The following PRKG1 variants were observed in gnomAD, a reference collection of about 807,000 sequenced individuals.
PRKG1 encodes the protein cGMP-dependent protein kinase 1.
A neutral mutation model predicts 88.1 loss-of-function variants in PRKG1; 35 were observed. The ratio of observed to expected loss-of-function variants is 0.40; its 90% CI spans 0.30 to 0.53. The LOEUF (loss-of-function observed/expected upper bound fraction) is 0.53, where lower values mean the gene tolerates loss of function less well. PRKG1 is among the 20% of genes least tolerant of loss of function. The pLI is 0.59. For synonymous variants in PRKG1, 303 were observed against 292.5 expected (o/e 1.04, Z -0.37); for missense variants, 540 against 839.8 (o/e 0.64, Z 4.41).
chr10:52,161,662 T>C (rs764379639), intron 8 of PRKG1, among the ~76,000 whole-genome samples: 2 of 152,124 alleles, frequency 1.3e-5, no homozygotes, highest in African/African-American at 4.8e-5. Flanking sequence ...TTTGTTTATG[T>C]GTTGGCAACT....
intron 7 of PRKG1, among the ~76,000 whole-genome samples, chr10:52,097,230 C>G (rs1847193188): frequency 6.8e-6 from 1 of 146,454 alleles, no homozygotes; most frequent in Admixed American, 6.8e-5. Context: ...TAGTTAATAA[C>G]TCATTTTTGA....
chr10:52,043,900 G>A (rs1327873969), intron 5 of PRKG1, among the ~76,000 whole-genome samples: 1 of 128,258 alleles, frequency 7.8e-6, no homozygotes, highest in Non-Finnish European at 1.6e-5. Context: ...TGTCATTGAA[G>A]AGCCCAGTTA....
chr10:51,601,595 G>GA, intron 3 of PRKG1, among the ~76,000 whole-genome samples: 1 of 151,826 alleles, frequency 6.6e-6, no homozygotes, highest in Non-Finnish European at 1.5e-5. Flanking sequence ...TTTCTCATTT[G>GA]AAAAAAGCCA....
intron 2 of PRKG1, among the ~76,000 whole-genome samples, chr10:51,311,242 C>T (rs977054601): frequency 2.6e-5 from 4 of 152,058 alleles, no homozygotes; most frequent in Non-Finnish European, 4.4e-5. Context: ...TTACATACTG[C>T]CTTGGTTTGT....
chr10:51,566,844 A>G (rs1250626467), intron 3 of PRKG1, among the ~76,000 whole-genome samples: 2 of 151,952 alleles, frequency 1.3e-5, no homozygotes, highest in Admixed American at 6.6e-5. Context: ...TCCCACTTCA[A>G]TATGATAAGG....
chr10:51,282,527 G>A (rs909015667), intron 2 of PRKG1, among the ~76,000 whole-genome samples: 1 of 152,178 alleles, frequency 6.6e-6, no homozygotes, highest in African/African-American at 2.4e-5. Flanking sequence ...ACGAAGGAAA[G>A]CAAACAACTG....
intron 4 of PRKG1, among the ~76,000 whole-genome samples, chr10:51,870,685 G>A (rs191560052): frequency 1.5e-3 from 231 of 152,148 alleles, no homozygotes; most frequent in African/African-American, 5.3e-3. Context: ...AATCGCATAG[G>A]TCAGATGAAA....
intron 2 of PRKG1, chr10:51,320,650 G>A (rs192603605): frequency 0.031 from 4,762 of 152,370 alleles, 121 homozygotes; most frequent in South Asian, 0.075. Flanking sequence ...CTGACAGACA[G>A]TAACAAATAA....
intron 1 of PRKG1, among the ~76,000 whole-genome samples, chr10:51,146,461 T>A (rs1429773087): frequency 1.3e-5 from 2 of 151,916 alleles, no homozygotes; most frequent in African/African-American, 2.4e-5. Context: ...AAGTTCCTTG[T>A]ATTTTCTGAA....
intron 2 of PRKG1, among the ~76,000 whole-genome samples, chr10:51,296,383 C>T (rs1257243794): frequency 6.6e-6 from 1 of 151,998 alleles, no homozygotes; most frequent in Non-Finnish European, 1.5e-5. Context: ...CTACACTATC[C>T]TATTTCTTCT....
chr10:51,933,860 G>A (rs1842745505), intron 5 of PRKG1, among the ~76,000 whole-genome samples: 1 of 152,040 alleles, frequency 6.6e-6, no homozygotes, highest in Non-Finnish European at 1.5e-5. Context: ...ATGTGCCAAA[G>A]TCACAATCTC....
intron 3 of PRKG1, among the ~76,000 whole-genome samples, chr10:51,720,858 G>A (rs531556345): frequency 1.3e-5 from 2 of 152,216 alleles, no homozygotes; most frequent in Admixed American, 1.3e-4. Context: ...TACAAATGGT[G>A]TTGCTGAGAT....
At chr10:51,737,299 C>T (rs1043515709) in intron 3 of PRKG1, among the ~76,000 whole-genome samples, 2 of 152,170 alleles carry the variant, frequency 1.3e-5, no homozygotes, top group African/African-American at 2.4e-5. Flanking sequence ...GTAGCTCAAA[C>T]GCTTTCTTAC....
intron 7 of PRKG1, among the ~76,000 whole-genome samples, chr10:52,102,063 C>A (rs969692184): frequency 6.6e-6 from 1 of 152,124 alleles, no homozygotes; most frequent in African/African-American, 2.4e-5. Flanking sequence ...CTTATGGATG[C>A]ATAACAAAAA....
At chr10:51,846,686 GC>G (rs1170275344) in intron 4 of PRKG1, among the ~76,000 whole-genome samples, 2 of 152,098 alleles carry the variant, frequency 1.3e-5, no homozygotes, top group Non-Finnish European at 2.9e-5. Flanking sequence ...CAATGCCGGT[GC>G]CCACTCTCAG....
At chr10:51,607,910 G>A (rs543200201) in intron 3 of PRKG1, among the ~76,000 whole-genome samples, 4 of 152,206 alleles carry the variant, frequency 2.6e-5, no homozygotes, top group African/African-American at 4.8e-5. Flanking sequence ...TGTACTGAGG[G>A]TATTTAGCTG....
At chr10:51,230,047 T>G (rs1259419693) in intron 2 of PRKG1, among the ~76,000 whole-genome samples, 1 of 152,156 alleles carries the variant, frequency 6.6e-6, no homozygotes, top group Non-Finnish European at 1.5e-5. Flanking sequence ...AGTGCTATTT[T>G]TCAACACGTA....
rs962853570 is a variant in PRKG1 at position 52,294,698 on chromosome 10, G to T, written c.*798G>T. 2 of 152,322 alleles carry T rather than the reference G, an allele frequency of 1.3e-5. No homozygotes were observed. The highest frequency in any genetic ancestry group is 2.9e-5 in the Non-Finnish European group (2 of 67,976). 9.4% of individuals were successfully genotyped at this position (152,322 alleles called of 1,614,324 possible). Reference sequence around the variant, plus strand: ...ACCATTTCATATTTTTTAAAATATTGTGCTTAAAGATGGTCCTGGAAGTAA... The same window carrying T: ...ACCATTTCATATTTTTTAAAATATTTTGCTTAAAGATGGTCCTGGAAGTAA... On this transcript the variant is annotated 3_prime_UTR_variant, in exon 18 of 18. Coordinates refer to ENST00000373980, the MANE Select transcript of PRKG1 (RefSeq NM_006258.4).
intron 3 of PRKG1, among the ~76,000 whole-genome samples, chr10:51,580,557 C>T (rs1838004756): frequency 6.6e-6 from 1 of 152,066 alleles, no homozygotes; most frequent in East Asian, 1.9e-4. Context: ...ACTCCTCTTT[C>T]TTGAAAATGC....
Sources: gnomAD v4.1 joint callset for allele counts (sites outside exome capture counted in the v4.1 genomes callset) on GRCh38, gnomAD v4.1.1 for gene constraint, MANE v1.5 for transcripts, NCBI Gene and HGNC (gene_info 2026-07-23, HGNC 2026-07-21) for gene names.